Variants in AHCYL1 observed in about 807,000 individuals in gnomAD.
The protein encoded by AHCYL1 is adenosylhomocysteinase like 1, also known as S-adenosylhomocysteine hydrolase-like protein 1.
A neutral mutation model predicts 79.3 loss-of-function variants in AHCYL1; 20 were observed. The ratio of observed to expected loss-of-function variants is 0.25; its 90% CI spans 0.18 to 0.37. AHCYL1 has a LOEUF of 0.37. Among genes scored for constraint, AHCYL1 ranks in the 10% least tolerant of loss-of-function variants. The pLI is 1.00. For synonymous variants in AHCYL1, 223 were observed against 242.2 expected, an observed-to-expected ratio of 0.92 and a Z score of 0.74; for missense variants, 330 against 673.6, an observed-to-expected ratio of 0.49 and a Z score of 5.65.
intron 1 of AHCYL1, among the ~76,000 whole-genome samples, chr1:109,986,714 G>C (rs1649486802): frequency 1.3e-5 from 2 of 152,222 alleles, no homozygotes; most frequent in Admixed American, 6.5e-5. Flanking sequence ...ATTCTTGAAA[G>C]TACCACTGTT....
intron 3 of AHCYL1, 107 bp downstream of exon 3, chr1:110,011,464 G>GA (rs1651025413): frequency 1.4e-6 from 2 of 1,465,324 alleles, no homozygotes; most frequent in Non-Finnish European, 1.9e-6. Flanking sequence ...GTACTGGGAA[G>GA]AAAGACAGTA....
At chr1:109,999,401 C>T (rs995298413) in intron 1 of AHCYL1, among the ~76,000 whole-genome samples, 2 of 152,214 alleles carry the variant, frequency 1.3e-5, no homozygotes, top group Non-Finnish European at 1.5e-5. Context: ...TATCTTATAA[C>T]TCCAAACTGT....
In AHCYL1 at chr1:110,022,328, ACT is replaced by A. The variant is rs1351725249; in HGVS notation, c.*651_*652del. The A allele has an allele frequency of 6.6e-6, 1 of 150,404 alleles. No homozygotes were observed. The highest frequency in any genetic ancestry group is 1.5e-5 in the Non-Finnish European group (1 of 67,778). 9.3% of individuals were successfully genotyped at this position (150,404 alleles called of 1,614,324 possible). A position where few individuals can be genotyped will look rare whatever the true frequency, so the allele number is the denominator to read the frequency against. Reference sequence around the variant, plus strand: ...TTTTTCGAGTTTTTAACTAGACTACACTCTATTGAGTTTAATTTTGTCCTCTA... The same window carrying A: ...TTTTTCGAGTTTTTAACTAGACTACACTATTGAGTTTAATTTTGTCCTCTA... On this transcript the variant is annotated 3_prime_UTR_variant, in exon 17 of 17. Coordinates refer to ENST00000369799, the MANE Select transcript of AHCYL1 (RefSeq NM_006621.7).
At chr1:110,004,548 A>G (rs1267895752) in intron 1 of AHCYL1, 16 of 955,794 alleles carry the variant, frequency 1.7e-5, no homozygotes, top group Non-Finnish European at 1.9e-5. Context: ...AGACTTGTGT[A>G]TTTCTTGTAC....
At chr1:109,988,622 C>T (rs1021606068) in intron 1 of AHCYL1, among the ~76,000 whole-genome samples, 4 of 152,104 alleles carry the variant, frequency 2.6e-5, no homozygotes, top group Admixed American at 2.0e-4. Context: ...CATGTTTCTC[C>T]GGAAGGCCTT....
chr1:109,995,237 A>G (rs1332016348), intron 1 of AHCYL1, among the ~76,000 whole-genome samples: 1 of 152,160 alleles, frequency 6.6e-6, no homozygotes, highest in African/African-American at 2.4e-5. Context: ...TGATGAGATT[A>G]GTTTCGGCCC....
intron 1 of AHCYL1, among the ~76,000 whole-genome samples, chr1:110,000,248 C>T (rs1437881009): frequency 2.1e-4 from 32 of 152,266 alleles, no homozygotes; most frequent in South Asian, 2.1e-3. Flanking sequence ...TTTGCTTAAA[C>T]GCAGGTGGAA....
intron 1 of AHCYL1, among the ~76,000 whole-genome samples, chr1:110,001,747 T>C (rs1650324894): frequency 6.6e-6 from 1 of 152,230 alleles, no homozygotes; most frequent in South Asian, 2.1e-4. Flanking sequence ...TCTCTGAGTG[T>C]ACCTTTTAAA....
At position 109,985,440 on chromosome 1, in the gene AHCYL1, C is replaced by T. The variant is rs545292131; in HGVS notation, c.120+268C>T. ...GCCTTAAATTTGCGACTGACTTTTC[C>T]TGGATGAAGGGCCTCGAAGACGAGA... is the stretch of plus-strand genomic sequence containing the variant. On this transcript the variant is annotated intron_variant, in intron 1 of 16. Transcript: ENST00000369799. The T allele has an allele frequency of 1.4e-5, 16 of 1,173,508 alleles. No individual in the cohort carries two copies. The East Asian group carries it at 8.1e-4, about 59-fold the overall frequency. 72.7% of individuals were successfully genotyped at this position (1,173,508 alleles called of 1,614,324 possible). A position where few individuals can be genotyped will look rare whatever the true frequency, so the allele number is the denominator to read the frequency against.
At chr1:109,997,938 T>C (rs368409495) in intron 1 of AHCYL1, among the ~76,000 whole-genome samples, 1 of 152,208 alleles carries the variant, frequency 6.6e-6, no homozygotes, top group East Asian at 1.9e-4. Flanking sequence ...GCTAAACTTG[T>C]ATAAACTCAT....
chr1:109,992,441 A>G (rs1557759859), intron 1 of AHCYL1, among the ~76,000 whole-genome samples: 1 of 151,072 alleles, frequency 6.6e-6, no homozygotes, highest in Non-Finnish European at 1.5e-5. Context: ...GTTAAAGGAC[A>G]GAGATTCTGA....
At position 110,003,697 on chromosome 1, in the gene AHCYL1, AAAG is replaced by A. The variant is rs941365152; in HGVS notation, c.121-5333_121-5331del. On this transcript the variant is annotated intron_variant, in intron 1 of 16. Transcript: ENST00000369799. ...TATAATATTGGTGGTGGGACTGAGA[AAAG>A]AAGTATGGACAGGTCAGGCAACTAG... Among the ~76,000 whole-genome samples the A allele has an allele frequency of 4.6e-5, 7 of 152,268 alleles. No individual in the cohort carries two copies. The East Asian group carries it at 9.6e-4, about 21-fold the overall frequency.
rs1051099129 is a variant in AHCYL1 at position 110,017,250 on chromosome 1, T to A, written c.964-245T>A. 2.0e-5 allele frequency among the ~76,000 whole-genome samples: 3 copies of A among 152,210 alleles called. No homozygotes were observed. The South Asian group carries it at 6.2e-4, about 31-fold the overall frequency. On this transcript the variant is annotated intron_variant, in intron 9 of 16. Transcript: ENST00000369799. The stretch of plus-strand genomic sequence containing the variant: ...CTTTTGCTTAGTCTTGTTTCCCTGA[T>A]GAAAACTGCTATGCAAAGCCCCAGT...
chr1:110,016,693 T>C lies in AHCYL1; in HGVS notation c.926T>C (p.Phe309Ser). 1 of 1,614,174 alleles carries C rather than the reference T, an allele frequency of 6.2e-7. No individual in the cohort carries two copies. The highest frequency in any genetic ancestry group is 8.5e-7 in the Non-Finnish European group (1 of 1,180,014). Residue 309 changes from phenylalanine to serine, a missense_variant, in exon 9 of 17, where the codon TTT becomes TCT. By Grantham distance (155) the Phe-to-Ser change is radical (BLOSUM62 -2). Transcript: ENST00000369799. ...CTGAAGAGGACCACAGATGTGATGT[T>C]TGGTGGGAAACAAGTGGTGGTGTGT... is the stretch of plus-strand genomic sequence containing the variant. ...DGLKRTTDVM[F>S]GGKQVVVCGY...
At chr1:109,996,122 G>T (rs922639406) in intron 1 of AHCYL1, among the ~76,000 whole-genome samples, 1 of 152,094 alleles carries the variant, frequency 6.6e-6, no homozygotes, top group African/African-American at 2.4e-5. Flanking sequence ...CAGGAAAATC[G>T]CTTGAACCCA....
intron 1 of AHCYL1, among the ~76,000 whole-genome samples, chr1:109,985,852 C>G (rs1649438287): frequency 6.6e-6 from 1 of 152,204 alleles, no homozygotes; most frequent in South Asian, 2.1e-4. Context: ...GAGAAAGGAG[C>G]TTGGGTGGGT....
At chr1:110,000,905 T>C in intron 1 of AHCYL1, 1 of 968,106 alleles carries the variant, frequency 1.0e-6, no homozygotes, top group Non-Finnish European at 1.2e-6. Flanking sequence ...AAACCCTCTG[T>C]AAACTGTAAG....
chr1:109,994,487 T>C (rs1570850022), intron 1 of AHCYL1, among the ~76,000 whole-genome samples: 2 of 152,194 alleles, frequency 1.3e-5, no homozygotes, highest in East Asian at 1.9e-4. Flanking sequence ...TGGGATTTCA[T>C]CATGTTGGTT....
intron 1 of AHCYL1, among the ~76,000 whole-genome samples, chr1:109,998,638 T>C (rs1013932365): frequency 6.6e-6 from 1 of 152,078 alleles, no homozygotes; most frequent in African/African-American, 2.4e-5. Context: ...CCACCACACC[T>C]GGCTAATTTT....
Sources: allele counts gnomAD v4.1 joint callset (sites outside exome capture counted in the v4.1 genomes callset), GRCh38; gene constraint gnomAD v4.1.1; transcripts MANE v1.5; gene names NCBI Gene and HGNC (gene_info 2026-07-23, HGNC 2026-07-21).